ITGA6: variants seen among roughly 807,000 people sequenced by gnomAD.
ITGA6 encodes integrin alpha-6.
In ITGA6, 63 loss-of-function variants were observed where a neutral mutation model predicts 133.6. The observed-to-expected ratio is 0.47, with a 90% CI of 0.38 to 0.58. ITGA6 has a LOEUF of 0.58. Ranked by LOEUF, ITGA6 falls within the 20% of genes least tolerant of loss-of-function variation. The pLI is 0.00. For missense variants in ITGA6, 1,068 were observed against 1,309.4 expected, an observed-to-expected ratio of 0.82 and a Z score of 2.85; for synonymous variants, 434 against 482.0, an observed-to-expected ratio of 0.90 and a Z score of 1.30.
At chr2:172,436,507 C>T (rs1433251897) in intron 1 of ITGA6, among the ~76,000 whole-genome samples, 1 of 152,200 alleles carries the variant, frequency 6.6e-6, no homozygotes, top group Non-Finnish European at 1.5e-5. Context: ...AATGATACCT[C>T]TCCCCAAGCT....
intron 1 of ITGA6, among the ~76,000 whole-genome samples, chr2:172,446,384 C>T (rs1684769097): frequency 6.6e-6 from 1 of 151,508 alleles, no homozygotes; most frequent in East Asian, 2.0e-4. Context: ...TTTGAGTTAA[C>T]ACTGATAATA....
chr2:172,487,356 C>G lies in ITGA6; in HGVS notation c.2063C>G (p.Pro688Arg). 1.2e-6 allele frequency: 2 copies of G among 1,614,060 alleles called. No homozygotes were observed. The highest frequency in any genetic ancestry group is 1.7e-6 in the Non-Finnish European group (2 of 1,179,896). ...AACAGCCCTTCCAACCCAAGGAATCCCACAAAAGATGGCGATGACGCCCAT... is the reference window on the plus strand; with the variant it reads ...AACAGCCCTTCCAACCCAAGGAATCGCACAAAAGATGGCGATGACGCCCAT... ...VTNSPSNPRNPTKDGDDAHEA... is the reference protein window; with the variant it reads ...VTNSPSNPRNRTKDGDDAHEA... Residue 688 changes from proline (P) to arginine (R), a missense_variant, in exon 15 of 26, where the codon CCC becomes CGC. Coordinates refer to ENST00000684293, the MANE Select transcript of ITGA6 (RefSeq NM_000210.4).
intron 1 of ITGA6, among the ~76,000 whole-genome samples, chr2:172,449,041 C>G (rs1408391975): frequency 1.3e-5 from 2 of 152,064 alleles, no homozygotes; most frequent in Non-Finnish European, 2.9e-5. Flanking sequence ...AAAATGTGAG[C>G]ACAGGCGTCA....
At chr2:172,501,983 A>G (rs1217118993) in intron 25 of ITGA6, 82 bp downstream of exon 25, 3 of 1,226,462 alleles carry the variant, frequency 2.4e-6, no homozygotes, top group Non-Finnish European at 3.5e-6. Context: ...ACAGCTTGCT[A>G]TGTGTGTCCC....
intron 9 of ITGA6, among the ~76,000 whole-genome samples, chr2:172,477,888 T>G (rs1686247525): frequency 6.6e-6 from 1 of 152,214 alleles, no homozygotes; most frequent in Non-Finnish European, 1.5e-5. Context: ...TAAATTGTAC[T>G]AGCACTTCAG....
chr2:172,445,362 AAAAAAGGCCGG>A (rs1684718985), intron 1 of ITGA6, among the ~76,000 whole-genome samples: 1 of 149,612 alleles, frequency 6.7e-6, no homozygotes, highest in Admixed American at 6.6e-5. Flanking sequence ...AACAAAAAAA[AAAAAAGGCCGG>A]GCGCGGTGGC....
At chr2:172,461,972 A>G (rs545445823) in intron 1 of ITGA6, among the ~76,000 whole-genome samples, 1 of 152,220 alleles carries the variant, frequency 6.6e-6, no homozygotes, top group African/African-American at 2.4e-5. Context: ...TGCTAGGCAC[A>G]GCCTCAGCTA....
intron 1 of ITGA6, among the ~76,000 whole-genome samples, chr2:172,458,170 AG>A (rs149333966): frequency 0.017 from 2,521 of 152,196 alleles, 64 homozygotes; most frequent in African/African-American, 0.057. Context: ...TTCTGGGGAC[AG>A]GCAGATAGGG....
At position 172,474,070 on chromosome 2, in the gene ITGA6, C is replaced by T. The variant is rs1686058135; in HGVS notation, c.791C>T (p.Ser264Leu). 1 of 1,612,684 alleles carries T rather than the reference C, an allele frequency of 6.2e-7. No homozygotes were observed. Residue 264 changes from serine to leucine, a missense_variant, in exon 6 of 26, where the codon TCA becomes TTA. Transcript: ENST00000684293. ...ANSYLGFSLD[S>L]GKGIVSKDEI... Reference sequence around the variant, plus strand: ...GTTTTTCTAGGTTTTTCTTTGGACTCAGGGAAAGGTATTGTTTCTAAAGAT... The same window carrying T: ...GTTTTTCTAGGTTTTTCTTTGGACTTAGGGAAAGGTATTGTTTCTAAAGAT...
In ITGA6 at chr2:172,471,078, G is replaced by A. The variant is rs750401792; in HGVS notation, c.748G>A (p.Val250Ile). The A allele has an allele frequency of 9.3e-6, 15 of 1,614,076 alleles. No individual in the cohort carries two copies. The highest frequency in any genetic ancestry group is 4.0e-5 in the African/African-American group (3 of 74,922). ...AGAGACTGAGCATGATGAAAGTCTC[G>A]TTCCTGTTCCTGCTAACAGTTACTT... is the stretch of plus-strand genomic sequence containing the variant. ...GGETEHDESL[V>I]PVPANSYLGF... is the part of the protein sequence containing the mutation. Residue 250 changes from valine to isoleucine, a missense_variant, in exon 5 of 26, where the codon GTT (valine) becomes ATT (isoleucine). Transcript: ENST00000684293.
chr2:172,484,637 T>C, intron 11 of ITGA6, 145 bp from the exon 12 acceptor site: 1 of 717,204 alleles, frequency 1.4e-6, no homozygotes, highest in Non-Finnish European at 2.4e-6. Context: ...ATCACAATTG[T>C]GCAAATGCAT....
chr2:172,453,405 G>A (rs183413513), intron 1 of ITGA6, among the ~76,000 whole-genome samples: 35 of 152,202 alleles, frequency 2.3e-4, no homozygotes, highest in Middle Eastern at 6.8e-3. Context: ...ACACACACCT[G>A]TAGTCCCAGC....
At chr2:172,499,485 C>T (rs1229135134) in intron 24 of ITGA6, among the ~76,000 whole-genome samples, 1 of 152,156 alleles carries the variant, frequency 6.6e-6, no homozygotes, top group Non-Finnish European at 1.5e-5. Flanking sequence ...CCACCTCGGC[C>T]TCCTGAGTAG....
intron 1 of ITGA6, among the ~76,000 whole-genome samples, chr2:172,452,460 G>T (rs1349550017): frequency 6.6e-6 from 1 of 152,120 alleles, no homozygotes; most frequent in African/African-American, 2.4e-5. Flanking sequence ...AGGGGATTGG[G>T]GGCTGGGCAC....
chr2:172,465,799 A>G (rs781270569), intron 2 of ITGA6, 136 bp downstream of exon 2: 7 of 1,221,458 alleles, frequency 5.7e-6, no homozygotes, highest in African/African-American at 1.5e-5. Flanking sequence ...ACTGTTTTTT[A>G]TTTGCCCTGA....
At position 172,487,487 on chromosome 2, in the gene ITGA6, A is replaced by G. The variant is rs767673735; in HGVS notation, c.2160+34A>G. On this transcript the variant is annotated intron_variant, in intron 15 of 25. Coordinates refer to ENST00000684293, the MANE Select transcript of ITGA6 (RefSeq NM_000210.4). ...TGTTAGAGACCAGCTGAGAGGGGAA[A>G]AAAATCAACACTGTGTGGCAAATGA... is the stretch of plus-strand genomic sequence containing the variant. 7.4e-6 allele frequency: 12 copies of G among 1,611,266 alleles called. No homozygotes were observed. The East Asian group carries it at 2.7e-4, about 36-fold the overall frequency.
At chr2:172,437,689 T>C (rs1684378541) in intron 1 of ITGA6, among the ~76,000 whole-genome samples, 1 of 152,140 alleles carries the variant, frequency 6.6e-6, no homozygotes, top group African/African-American at 2.4e-5. Flanking sequence ...AAAGGTTTGA[T>C]TGGTGATGCA....
Position 172,428,030 on chromosome 2 carries a change from G to T in ITGA6, c.182+60G>T, listed in dbSNP as rs926922633. The stretch of plus-strand genomic sequence containing the variant: ...CGCCGGCCTGCGCGCGAGTTGAGGC[G>T]AGGGCGCGCCCTGTTCCCGCCGGCC... On this transcript the variant is annotated intron_variant, in intron 1 of 25. Coordinates refer to ENST00000684293, the MANE Select transcript of ITGA6 (RefSeq NM_000210.4). 1.9e-5 allele frequency: 30 copies of T among 1,553,094 alleles called. No individual in the cohort carries two copies. In the African/African-American group the frequency reaches 3.3e-4, roughly 17 times the overall value.
intron 23 of ITGA6, chr2:172,495,389 CAGTT>C (rs1469446702): frequency 1.3e-5 from 2 of 152,194 alleles, no homozygotes; most frequent in African/African-American, 4.8e-5. Context: ...TCATCAGTAA[CAGTT>C]GGTGTGACAA....
Sources: allele counts gnomAD v4.1 joint callset (sites outside exome capture counted in the v4.1 genomes callset), GRCh38; gene constraint gnomAD v4.1.1; transcripts MANE v1.5; gene names NCBI Gene and HGNC (gene_info 2026-07-23, HGNC 2026-07-21).